NALF1: variants seen among roughly 807,000 people sequenced by gnomAD.
NALF1 encodes family with sequence similarity 155 member A.
In NALF1, 3 loss-of-function variants were observed where a neutral mutation model predicts 48.4. The observed-to-expected ratio is 0.06, with a 90% confidence interval of 0.03 to 0.16. The LOEUF (loss-of-function observed/expected upper bound fraction) is 0.16, where lower values mean the gene tolerates loss of function less well. Among genes scored for constraint, NALF1 ranks in the 10% least tolerant of loss-of-function variants. The probability of loss-of-function intolerance (pLI) is 1.00; values close to 1 mark genes in which losing one functional copy is unlikely to be tolerated. For missense variants in NALF1, 526 were observed against 571.5 expected, an observed-to-expected ratio of 0.92 and a Z score of 0.81; for synonymous variants, 262 against 245.7, an observed-to-expected ratio of 1.07 and a Z score of -0.62.
intron 1 of NALF1, among the ~76,000 whole-genome samples, chr13:107,507,347 C>T (rs1362577628): frequency 1.3e-5 from 2 of 151,844 alleles, no homozygotes; most frequent in African/African-American, 2.4e-5. Flanking sequence ...TTCTTTCCTT[C>T]ATTTACTTAG....
intron 1 of NALF1, among the ~76,000 whole-genome samples, chr13:107,239,542 G>A (rs1293440121): frequency 6.6e-6 from 1 of 152,158 alleles, no homozygotes; most frequent in Non-Finnish European, 1.5e-5. Flanking sequence ...ACATTCACAA[G>A]GACCAAGGGT....
chr13:107,614,609 T>G (rs1040182583), intron 1 of NALF1, among the ~76,000 whole-genome samples: 1 of 152,200 alleles, frequency 6.6e-6, no homozygotes, highest in Non-Finnish European at 1.5e-5. Context: ...AAATTTTCAT[T>G]AAGTAAACAA....
At chr13:107,713,147 G>A (rs967324841) in intron 1 of NALF1, among the ~76,000 whole-genome samples, 5 of 152,138 alleles carry the variant, frequency 3.3e-5, no homozygotes, top group East Asian at 1.9e-4. Context: ...AATTTTCTTC[G>A]GAAGTAGCTC....
chr13:107,496,597 G>T (rs34102863), intron 1 of NALF1, among the ~76,000 whole-genome samples: 18,743 of 152,172 alleles, frequency 0.12, 1,304 homozygotes, highest in South Asian at 0.2. Flanking sequence ...AAAGGCTACA[G>T]GCAGTCCCCA....
chr13:107,371,480 G>C (rs2138964997), intron 1 of NALF1, among the ~76,000 whole-genome samples: 1 of 128,496 alleles, frequency 7.8e-6, no homozygotes, highest in South Asian at 2.6e-4. Flanking sequence ...TAAATAAATA[G>C]TTTCAAGATA....
At chr13:107,567,976 ATTGT>A (rs1389117164) in intron 1 of NALF1, among the ~76,000 whole-genome samples, 19 of 151,878 alleles carry the variant, frequency 1.3e-4, no homozygotes, top group Admixed American at 7.2e-4. Flanking sequence ...CTTTTTATTT[ATTGT>A]TTATTTTTGA....
At chr13:107,639,995 T>C (rs1243225282) in intron 1 of NALF1, among the ~76,000 whole-genome samples, 1 of 152,166 alleles carries the variant, frequency 6.6e-6, no homozygotes, top group Non-Finnish European at 1.5e-5. Context: ...TAATCAAACA[T>C]CATCCAGGCA....
At chr13:107,322,359 A>G (rs1421343275) in intron 1 of NALF1, among the ~76,000 whole-genome samples, 2 of 152,208 alleles carry the variant, frequency 1.3e-5, no homozygotes, top group Non-Finnish European at 2.9e-5. Context: ...GTCTTAGAAC[A>G]TAAATAATCC....
chr13:107,242,508 T>C (rs964883604), intron 1 of NALF1, among the ~76,000 whole-genome samples: 1 of 152,242 alleles, frequency 6.6e-6, no homozygotes, highest in Non-Finnish European at 1.5e-5. Context: ...GTTGGTTTTT[T>C]CCACTGGTAA....
chr13:107,545,262 G>A lies in NALF1; in HGVS notation c.915+320420C>T, dbSNP rs538549631. ...AGTGCTGTGTGCTGACAGAGGCAGG[G>A]ATTGCAGCAATGCACCCACAAGCCA... On this transcript the variant is annotated intron_variant, in intron 1 of 2. Coordinates refer to ENST00000375915, the MANE Select transcript of NALF1 (RefSeq NM_001080396.3). Among the ~76,000 whole-genome samples, 232 of 152,314 alleles carry A rather than the reference G, an allele frequency of 1.5e-3. 2 individuals are homozygous for A. The highest frequency in any genetic ancestry group is 5.5e-3 in the African/African-American group (228 of 41,570).
At chr13:107,201,979 T>C (rs1331077000) in intron 2 of NALF1, among the ~76,000 whole-genome samples, 1 of 152,172 alleles carries the variant, frequency 6.6e-6, no homozygotes, top group Non-Finnish European at 1.5e-5. Context: ...CATAAATTGG[T>C]TAATAAAGGT....
In NALF1 at chr13:107,746,888, A is replaced by C. The variant is rs145719340; in HGVS notation, c.915+118794T>G. ...TCTGTATCTCACTTCATATACAAAA[A>C]TGTACTCGAAATGGAATAGAGACGT... On this transcript the variant is annotated intron_variant, in intron 1 of 2. Transcript: ENST00000375915. 4.4e-3 allele frequency among the ~76,000 whole-genome samples: 665 copies of C among 152,310 alleles called. 4 individuals carry two copies. The highest frequency in any genetic ancestry group is 0.015 in the African/African-American group (623 of 41,564).
intron 1 of NALF1, among the ~76,000 whole-genome samples, chr13:107,817,171 AAAT>A (rs1296052554): frequency 6.6e-6 from 1 of 152,226 alleles, no homozygotes; most frequent in Non-Finnish European, 1.5e-5. Flanking sequence ...ACAAATAAGT[AAAT>A]AATGTGATCC....
At chr13:107,709,697 T>C (rs1437932290) in intron 1 of NALF1, among the ~76,000 whole-genome samples, 2 of 152,220 alleles carry the variant, frequency 1.3e-5, no homozygotes, top group Admixed American at 1.3e-4. Flanking sequence ...TCAACATGCA[T>C]ATGGATTTTA....
At chr13:107,555,260 TATTAATTA>T (rs111849596) in intron 1 of NALF1, among the ~76,000 whole-genome samples, 10 of 150,914 alleles carry the variant, frequency 6.6e-5, no homozygotes, top group African/African-American at 2.0e-4. Context: ...TTTGATTTAT[TATTAATTA>T]ATTAATTAAT....
chr13:107,376,438 C>T (rs1427204426), intron 1 of NALF1, among the ~76,000 whole-genome samples: 1 of 152,162 alleles, frequency 6.6e-6, no homozygotes, highest in Non-Finnish European at 1.5e-5. Flanking sequence ...GTTGCTTCCC[C>T]CTGGACTCCC....
At chr13:107,615,836 T>C (rs1879364421) in intron 1 of NALF1, among the ~76,000 whole-genome samples, 1 of 152,228 alleles carries the variant, frequency 6.6e-6, no homozygotes, top group South Asian at 2.1e-4. Context: ...CAATATGGTA[T>C]CTGCTTGGTG....
At chr13:107,287,948 T>C (rs1207915579) in intron 1 of NALF1, among the ~76,000 whole-genome samples, 2 of 151,950 alleles carry the variant, frequency 1.3e-5, no homozygotes, top group Admixed American at 6.6e-5. Context: ...CTCAAGGTGA[T>C]CCACCCACCT....
chr13:107,813,905 TTAAC>T (rs1342727107), intron 1 of NALF1, among the ~76,000 whole-genome samples: 17 of 152,300 alleles, frequency 1.1e-4, no homozygotes, highest in African/African-American at 3.8e-4. Flanking sequence ...CTATCATTGT[TTAAC>T]TATTCTAGTT....
Sources: allele counts gnomAD v4.1 joint callset (sites outside exome capture counted in the v4.1 genomes callset), GRCh38; gene constraint gnomAD v4.1.1; transcripts MANE v1.5; gene names NCBI Gene and HGNC (gene_info 2026-07-23, HGNC 2026-07-21).